RELN: variants seen among roughly 807,000 people sequenced by gnomAD.
RELN encodes reelin.
A neutral mutation model predicts 427.6 loss-of-function variants in RELN; 108 were observed. That is an observed-to-expected ratio of 0.25 (90% CI 0.22 to 0.30). The LOEUF is 0.30. Among genes scored for constraint, RELN ranks in the 10% least tolerant of loss-of-function variants. The pLI is 1.00. For synonymous variants in RELN, 1,524 were observed against 1,513.4 expected, an observed-to-expected ratio of 1.01 and a Z score of -0.16; for missense variants, 3,715 against 4,302.8, an observed-to-expected ratio of 0.86 and a Z score of 3.82.
intron 6 of RELN, among the ~76,000 whole-genome samples, chr7:103,742,335 C>T (rs544638103): frequency 2.3e-3 from 353 of 152,116 alleles, no homozygotes; most frequent in African/African-American, 7.7e-3. Flanking sequence ...GCAGAAAAAC[C>T]GGAAACTCTA....
chr7:103,613,907 T>C (rs1223243110), intron 20 of RELN, among the ~76,000 whole-genome samples: 2 of 152,220 alleles, frequency 1.3e-5, no homozygotes, highest in Non-Finnish European at 2.9e-5. Flanking sequence ...CCTTCTGAGA[T>C]GGTTTCGTGT....
intron 36 of RELN, among the ~76,000 whole-genome samples, chr7:103,560,275 A>G (rs761085966): frequency 1.3e-5 from 2 of 152,204 alleles, no homozygotes; most frequent in Admixed American, 1.3e-4. Context: ...TTAAAAAGAG[A>G]CTATCATATC....
intron 3 of RELN, among the ~76,000 whole-genome samples, chr7:103,821,814 T>C (rs988694475): frequency 3.9e-5 from 6 of 152,292 alleles, no homozygotes; most frequent in Non-Finnish European, 7.4e-5. Context: ...TCACTGTTTA[T>C]CTTTCCTATA....
At chr7:103,704,596 G>T (rs1276450586) in intron 8 of RELN, among the ~76,000 whole-genome samples, 1 of 151,210 alleles carries the variant, frequency 6.6e-6, no homozygotes, top group Non-Finnish European at 1.5e-5. Context: ...TCTTCCTCCT[G>T]TATCATCAAT....
At chr7:103,720,919 C>A (rs575086799) in intron 8 of RELN, among the ~76,000 whole-genome samples, 1 of 152,294 alleles carries the variant, frequency 6.6e-6, no homozygotes, top group South Asian at 2.1e-4. Context: ...GTATTCACCA[C>A]ATACCACCAC....
At chr7:103,647,395 A>G (rs1832819303) in intron 16 of RELN, among the ~76,000 whole-genome samples, 1 of 151,988 alleles carries the variant, frequency 6.6e-6, no homozygotes, top group Non-Finnish European at 1.5e-5. Flanking sequence ...AAAAATCAGG[A>G]ACATTTATAT....
chr7:103,709,736 T>C (rs1405983333), intron 8 of RELN, among the ~76,000 whole-genome samples: 2 of 152,230 alleles, frequency 1.3e-5, no homozygotes, highest in African/African-American at 4.8e-5. Flanking sequence ...CATAAACTGA[T>C]GTGCATATGC....
At chr7:103,984,271 T>C (rs934293446) in intron 1 of RELN, among the ~76,000 whole-genome samples, 2 of 152,118 alleles carry the variant, frequency 1.3e-5, no homozygotes, top group African/African-American at 4.8e-5. Flanking sequence ...TATCACTCTT[T>C]TTAAAGATGG....
At chr7:103,579,039 C>T (rs368773546) in intron 28 of RELN, among the ~76,000 whole-genome samples, 7 of 152,316 alleles carry the variant, frequency 4.6e-5, no homozygotes, top group East Asian at 3.9e-4. Context: ...ATCTACAGCA[C>T]GCTAGGCACA....
At chr7:103,475,565 A>G (rs982273420) in intron 64 of RELN, among the ~76,000 whole-genome samples, 1 of 152,260 alleles carries the variant, frequency 6.6e-6, no homozygotes, top group African/African-American at 2.4e-5. Context: ...AATATTTTAC[A>G]TAAAAAAAGA....
At chr7:103,637,598 C>T (rs562497593) in intron 17 of RELN, among the ~76,000 whole-genome samples, 1 of 152,128 alleles carries the variant, frequency 6.6e-6, no homozygotes, top group Non-Finnish European at 1.5e-5. Context: ...ATGCTAAGAA[C>T]TACTGTAGCA....
chr7:103,825,936 G>A (rs962949686), intron 3 of RELN, among the ~76,000 whole-genome samples: 7 of 151,842 alleles, frequency 4.6e-5, no homozygotes, highest in African/African-American at 1.5e-4. Context: ...TTCGTGTGTT[G>A]GAAACATGAT....
chr7:103,486,008 A>G (rs1372080191), intron 61 of RELN, among the ~76,000 whole-genome samples, 189 bp downstream of exon 61: 1 of 152,072 alleles, frequency 6.6e-6, no homozygotes, highest in African/African-American at 2.4e-5. Flanking sequence ...ATTCTCTAAT[A>G]AATTTAAGCG....
At chr7:103,666,034 T>A (rs1833258130) in intron 11 of RELN, among the ~76,000 whole-genome samples, 1 of 152,032 alleles carries the variant, frequency 6.6e-6, no homozygotes, top group African/African-American at 2.4e-5. Flanking sequence ...TTTTTCATTT[T>A]AAAAAGTTTT....
chr7:103,652,669 T>C lies in RELN; in HGVS notation c.1645A>G (p.Asn549Asp). ...AAGTCTACAGCCCAGACATTCCTAT[T>C]ATGTCCTTGATGGTTCTTTTGCCTG... The part of the protein sequence containing the change: ...CLRQKNHQGH[N>D]RNVWAVDFFH... Residue 549 changes from asparagine (N) to aspartate (D), a missense_variant, in exon 14 of 65, where the codon AAT becomes GAT. Coordinates refer to ENST00000428762, the MANE Select transcript of RELN (RefSeq NM_005045.4). The C allele has an allele frequency of 6.2e-7, 1 of 1,612,978 alleles. No individual in the cohort carries two copies. Among genetic ancestry groups the C allele is most frequent in the South Asian group, 1.1e-5 (1 of 91,060 alleles).
At chr7:103,680,311 G>A (rs1189264169) in intron 11 of RELN, among the ~76,000 whole-genome samples, 1 of 152,032 alleles carries the variant, frequency 6.6e-6, no homozygotes, top group Admixed American at 6.6e-5. Context: ...ATGGGATGGG[G>A]GCTGGTAACA....
rs57824180 is a variant in RELN, at chr7:103,895,297, GA to G, written c.337+21777del. ...CATGGCGGTTGTTGACTTGTAACAGGAAAAAAAAAAGTGGTAGTTCAAAGGG... is the reference window on the plus strand; with the variant it reads ...CATGGCGGTTGTTGACTTGTAACAGGAAAAAAAAAGTGGTAGTTCAAAGGG... On this transcript the variant is annotated intron_variant, in intron 2 of 64. Transcript: ENST00000428762. Among the ~76,000 whole-genome samples the G allele has an allele frequency of 9.2e-3, 1,367 of 148,294 alleles. 34 individuals carry two copies. The highest frequency in any genetic ancestry group is 0.073 in the East Asian group (372 of 5,108).
intron 45 of RELN, 139 bp from the exon 46 acceptor site, chr7:103,535,623 T>C: frequency 1.3e-6 from 1 of 754,262 alleles, no homozygotes; most frequent in Non-Finnish European, 2.2e-6. Context: ...TTTCCTGCTT[T>C]GAAATGCTTC....
intron 3 of RELN, among the ~76,000 whole-genome samples, chr7:103,831,794 G>T (rs889887805): frequency 6.6e-6 from 1 of 152,100 alleles, no homozygotes; most frequent in African/African-American, 2.4e-5. Flanking sequence ...TATATCAAAG[G>T]TTTGGTCTTC....
Sources: gnomAD v4.1 joint callset for allele counts (sites outside exome capture counted in the v4.1 genomes callset) on GRCh38, gnomAD v4.1.1 for gene constraint, MANE v1.5 for transcripts, NCBI Gene and HGNC (gene_info 2026-07-23, HGNC 2026-07-21) for gene names.